The following SDHB variants were observed in gnomAD, a reference collection of about 807,000 sequenced individuals.
SDHB encodes the protein succinate dehydrogenase complex iron sulfur subunit B.
A neutral mutation model predicts 39.7 loss-of-function variants in SDHB; 21 were observed. The observed-to-expected ratio is 0.53, with a 90% CI of 0.37 to 0.76. The LOEUF (loss-of-function observed/expected upper bound fraction) is 0.76, where lower values mean the gene tolerates loss of function less well. Among genes scored for constraint, SDHB ranks in the 30% least tolerant of loss-of-function variants. SDHB has a pLI of 0.00. For synonymous variants in SDHB, 118 were observed against 117.0 expected (o/e 1.01, Z -0.06); for missense variants, 343 against 350.9 (o/e 0.98, Z 0.18).
intron 7 of SDHB, among the ~76,000 whole-genome samples, chr1:17,022,245 G>A (rs1460906597): frequency 6.6e-6 from 1 of 152,208 alleles, no homozygotes; most frequent in African/African-American, 2.4e-5. Flanking sequence ...CTGACATCGC[G>A]AGAAAGATGG....
intron 3 of SDHB, 137 bp from the exon 4 acceptor site, chr1:17,028,873 G>A: frequency 2.8e-6 from 3 of 1,082,932 alleles, no homozygotes; most frequent in South Asian, 1.3e-5. Context: ...AGAGGTGCCT[G>A]TTGGCTTTTC....
chr1:17,047,284 A>T (rs1005636744), intron 1 of SDHB, among the ~76,000 whole-genome samples: 1 of 151,954 alleles, frequency 6.6e-6, no homozygotes, highest in Non-Finnish European at 1.5e-5. Context: ...TGACCCTGGG[A>T]GACGGAGATT....
chr1:17,042,289 C>T (rs1176763245), intron 2 of SDHB, among the ~76,000 whole-genome samples: 2 of 152,208 alleles, frequency 1.3e-5, no homozygotes, highest in Non-Finnish European at 1.5e-5. Context: ...TTGTCCAATG[C>T]CATTTCATTC....
At chr1:17,022,758 C>G in intron 6 of SDHB, 28 bp from the exon 7 acceptor site, 1 of 1,608,458 alleles carries the variant, frequency 6.2e-7, no homozygotes, top group Non-Finnish European at 8.5e-7. Flanking sequence ...ATTAGCTGAG[C>G]TGCCAATCAA....
At chr1:17,031,507 C>G (rs1442565309) in intron 3 of SDHB, among the ~76,000 whole-genome samples, 2 of 152,282 alleles carry the variant, frequency 1.3e-5, no homozygotes, top group East Asian at 3.9e-4. Flanking sequence ...AAGCATCTAC[C>G]TTTCCTGTGT....
Position 17,024,070 on chromosome 1 carries a change from CCGTCCT to C in SDHB, c.541-2_544del. 6.2e-7 allele frequency: 1 copy of C among 1,612,076 alleles called. No homozygotes were observed. Reference sequence around the variant, plus strand: ...GGCACAGAGAATGCACTCGTAGAGCCCGTCCTGTATGGGGAGAAAAGAGAGGCAGGA... The same window carrying C: ...GGCACAGAGAATGCACTCGTAGAGCCGTATGGGGAGAAAAGAGAGGCAGGA... On this transcript the variant is annotated splice_acceptor_variant and coding_sequence_variant, in exon 6 of 8. Coordinates refer to ENST00000375499, the MANE Select transcript of SDHB (RefSeq NM_003000.3). LOFTEE classifies it high-confidence loss of function.
At chr1:17,044,667 TCA>T in intron 2 of SDHB, 92 bp downstream of exon 2, 2 of 1,432,322 alleles carry the variant, frequency 1.4e-6, no homozygotes, top group Non-Finnish European at 2.0e-6. Flanking sequence ...TCGGATGATC[TCA>T]GATTTTTAAG....
At chr1:17,033,198 CT>C in intron 2 of SDHB, 53 bp from the exon 3 acceptor site, 1 of 1,320,342 alleles carries the variant, frequency 7.6e-7, no homozygotes. Context: ...CCTCCCTACA[CT>C]TTATCATAAT....
At chr1:17,053,330 A>C (rs778679319) in intron 1 of SDHB, among the ~76,000 whole-genome samples, 1 of 152,158 alleles carries the variant, frequency 6.6e-6, no homozygotes, top group Non-Finnish European at 1.5e-5. Flanking sequence ...CTGAGAGGAT[A>C]CTAGTGAAAC....
chr1:17,030,687 C>CT (rs879266097), intron 3 of SDHB, among the ~76,000 whole-genome samples: 1,567 of 144,178 alleles, frequency 0.011, 16 homozygotes, highest in Middle Eastern at 0.036. Flanking sequence ...TGGTTATCAT[C>CT]TTTTTTTTTT....
chr1:17,023,265 C>A (rs1432175280), intron 6 of SDHB: 1 of 208,914 alleles, frequency 4.8e-6, no homozygotes, highest in Non-Finnish European at 9.8e-6. Flanking sequence ...AGCAGTGTTA[C>A]TTAGAGGACC....
chr1:17,047,618 G>GGTTGCAGT (rs2078119326), intron 1 of SDHB, among the ~76,000 whole-genome samples: 4 of 151,770 alleles, frequency 2.6e-5, no homozygotes, highest in Admixed American at 2.6e-4. Flanking sequence ...GGGAGGTAAA[G>GGTTGCAGT]GTTGCAGTGA....
intron 5 of SDHB, 51 bp downstream of exon 5, chr1:17,027,698 C>A: frequency 8.9e-7 from 1 of 1,118,510 alleles, no homozygotes; most frequent in South Asian, 1.2e-5. Context: ...TCCTGGCAAT[C>A]ATCTTTGCAA....
intron 7 of SDHB, 24 bp from the exon 8 acceptor site, chr1:17,018,982 A>G (rs762596212): frequency 6.6e-7 from 1 of 1,523,628 alleles, no homozygotes; most frequent in South Asian, 1.1e-5. Context: ...AAAAGAATCA[A>G]TAACAAATGA....
At chr1:17,032,241 C>G (rs944360899) in intron 3 of SDHB, among the ~76,000 whole-genome samples, 1 of 151,302 alleles carries the variant, frequency 6.6e-6, no homozygotes, top group Admixed American at 6.6e-5. Context: ...CTCTATTGCC[C>G]AGGCTGGAGT....
Position 17,018,790 on chromosome 1 carries a change from T to C in SDHB, c.*91A>G. 1.1e-6 allele frequency: 1 copy of C among 909,740 alleles called. No homozygotes were observed. The highest frequency in any genetic ancestry group is 1.6e-5 in the African/African-American group (1 of 61,164). The allele number at this position is 909,740 out of a possible 1,614,324, so 56.4% of individuals were successfully genotyped here. A position where few individuals can be genotyped will look rare whatever the true frequency, so the allele number is the denominator to read the frequency against. Reference sequence around the variant, plus strand: ...ATTTTTATTATACATGCTGTATTCATGGAAAACCAAGATCTTTAAAGGAAC... The same window carrying C: ...ATTTTTATTATACATGCTGTATTCACGGAAAACCAAGATCTTTAAAGGAAC... On this transcript the variant is annotated 3_prime_UTR_variant, in exon 8 of 8. Transcript: ENST00000375499.
At chr1:17,044,980 T>C in intron 1 of SDHB, 92 bp from the exon 2 acceptor site, 1 of 1,129,312 alleles carries the variant, frequency 8.9e-7, no homozygotes, top group Non-Finnish European at 1.3e-6. Context: ...ACGCTGGATA[T>C]AAACTCACAC....
At chr1:17,037,353 T>C (rs1026825344) in intron 2 of SDHB, among the ~76,000 whole-genome samples, 5 of 151,316 alleles carry the variant, frequency 3.3e-5, no homozygotes, top group African/African-American at 1.2e-4. Flanking sequence ...CAGGCTGGAG[T>C]GTAGGGCATG....
At chr1:17,041,770 A>G (rs770837096) in intron 2 of SDHB, among the ~76,000 whole-genome samples, 1 of 152,204 alleles carries the variant, frequency 6.6e-6, no homozygotes, top group Non-Finnish European at 1.5e-5. Context: ...TACACAGGCA[A>G]TTAATATGGC....
Sources: gnomAD v4.1 joint callset for allele counts (sites outside exome capture counted in the v4.1 genomes callset) on GRCh38, gnomAD v4.1.1 for gene constraint, MANE v1.5 for transcripts, NCBI Gene and HGNC (gene_info 2026-07-23, HGNC 2026-07-21) for gene names.